The following CSMD1 variants were observed in gnomAD, a reference collection of about 807,000 sequenced individuals.
CSMD1 encodes CUB and sushi domain-containing protein 1.
In CSMD1, 213 loss-of-function variants were observed where a neutral mutation model predicts 417.5. The observed-to-expected ratio is 0.51, with a 90% CI of 0.46 to 0.57. The LOEUF (loss-of-function observed/expected upper bound fraction) is 0.57, where lower values mean the gene tolerates loss of function less well. CSMD1 is among the 20% of genes least tolerant of loss of function. The probability of loss-of-function intolerance (pLI) is 0.00; values close to 1 mark genes in which losing one functional copy is unlikely to be tolerated. For missense variants in CSMD1, 6,923 were observed against 4,529.7 expected (o/e 1.53, Z -15.17); for synonymous variants, 2,862 against 1,736.8 (o/e 1.65, Z -16.11).
At chr8:3,360,366 G>A (rs540602792) in intron 20 of CSMD1, among the ~76,000 whole-genome samples, 10 of 152,304 alleles carry the variant, frequency 6.6e-5, no homozygotes, top group East Asian at 1.9e-4. Context: ...TCTGATCTCC[G>A]TAGTATGTAC....
chr8:4,655,072 G>C (rs1273173441), intron 1 of CSMD1, among the ~76,000 whole-genome samples: 3 of 147,854 alleles, frequency 2.0e-5, no homozygotes, highest in Non-Finnish European at 4.5e-5. Context: ...TAAATCATTT[G>C]TCCATCAAAG....
intron 7 of CSMD1, among the ~76,000 whole-genome samples, chr8:3,681,078 T>A (rs1799636743): frequency 6.6e-6 from 1 of 152,150 alleles, no homozygotes. Flanking sequence ...CCACAGCCAA[T>A]ATCATACTGA....
chr8:4,241,954 T>C (rs1024334368), intron 3 of CSMD1, among the ~76,000 whole-genome samples: 2 of 152,200 alleles, frequency 1.3e-5, no homozygotes, highest in Non-Finnish European at 2.9e-5. Context: ...AGATTCAGTA[T>C]AAGTTTTCAA....
intron 40 of CSMD1, among the ~76,000 whole-genome samples, chr8:3,150,692 G>A (rs1011783388): frequency 6.6e-6 from 1 of 152,178 alleles, no homozygotes; most frequent in African/African-American, 2.4e-5. Context: ...TAAAGTGAGT[G>A]CTGTAGAGAA....
At chr8:4,721,795 G>C (rs1225509280) in intron 1 of CSMD1, among the ~76,000 whole-genome samples, 1 of 152,142 alleles carries the variant, frequency 6.6e-6, no homozygotes, top group African/African-American at 2.4e-5. Context: ...GCCAAGGTAT[G>C]TAAAGAACCT....
At chr8:3,653,972 T>C (rs894353637) in intron 7 of CSMD1, among the ~76,000 whole-genome samples, 12 of 152,222 alleles carry the variant, frequency 7.9e-5, no homozygotes, top group East Asian at 1.9e-4. Context: ...TGTTGTCACA[T>C]AGAAAATGTG....
At position 4,051,969 on chromosome 8, in the gene CSMD1, A is replaced by C. The variant is rs552601278; in HGVS notation, c.416-19870T>G. Among the ~76,000 whole-genome samples the C allele has an allele frequency of 3.2e-3, 473 of 147,614 alleles. 2 individuals carry two copies. The highest frequency in any genetic ancestry group is 0.011 in the African/African-American group (455 of 39,752). ...TGACAGAGTTTCACTCTTGTTGCCC[A>C]GGCTGGAGTGCAACAGTGTTATCTC... On this transcript the variant is annotated intron_variant, in intron 3 of 69. Transcript: ENST00000635120.
intron 5 of CSMD1, among the ~76,000 whole-genome samples, chr8:3,985,907 C>T (rs928596446): frequency 6.8e-6 from 1 of 147,992 alleles, no homozygotes; most frequent in African/African-American, 2.5e-5. Flanking sequence ...TTACTTTGAA[C>T]ATTTCAAACC....
In CSMD1 at chr8:4,868,035, T is replaced by C. The variant is rs190092689; in HGVS notation, c.85+126297A>G. ...AAATGCGGAAATGGCTCTTGAAAAATCACTGCTTTCCCTGGATCTCTACTT... is the reference window on the plus strand; with the variant it reads ...AAATGCGGAAATGGCTCTTGAAAAACCACTGCTTTCCCTGGATCTCTACTT... On this transcript the variant is annotated intron_variant, in intron 1 of 69. Transcript: ENST00000635120. Among the ~76,000 whole-genome samples, 245 of 152,106 alleles carry C rather than the reference T, an allele frequency of 1.6e-3. 2 individuals are homozygous for C. Among genetic ancestry groups the C allele is most frequent in the African/African-American group, 5.8e-3 (239 of 41,434 alleles).
intron 1 of CSMD1, among the ~76,000 whole-genome samples, chr8:4,746,745 T>C (rs766876400): frequency 2.6e-5 from 4 of 152,038 alleles, no homozygotes; most frequent in Non-Finnish European, 5.9e-5. Context: ...GAGTCACCGG[T>C]AGAACCTTCA....
In CSMD1 at chr8:4,628,924, A is replaced by C. The variant is rs1382256; in HGVS notation, c.302+8418T>G. Among the ~76,000 whole-genome samples the C allele has an allele frequency of 3.9e-5, 6 of 152,042 alleles. No homozygotes were observed. In the South Asian group the frequency reaches 1.0e-3, roughly 26 times the overall value. Reference sequence around the variant, plus strand: ...AAAGAGAATAAAACCTTGGAAGAAAATGGACACTCTGATACTGTGTTTATT... The same window carrying C: ...AAAGAGAATAAAACCTTGGAAGAAACTGGACACTCTGATACTGTGTTTATT... On this transcript the variant is annotated intron_variant, in intron 2 of 69. Transcript: ENST00000635120.
chr8:4,757,619 G>T lies in CSMD1; in HGVS notation c.86-120061C>A, dbSNP rs1297615507. 5.3e-5 allele frequency among the ~76,000 whole-genome samples: 8 copies of T among 152,256 alleles called. No individual in the cohort carries two copies. The East Asian group carries it at 7.7e-4, about 15-fold the overall frequency. The stretch of plus-strand genomic sequence containing the variant: ...ACATATCTCTACCAAGTTGGATTAT[G>T]TGCTCTCTTCAGCTTTTATGAATAA... On this transcript the variant is annotated intron_variant, in intron 1 of 69. Transcript: ENST00000635120.
At chr8:4,662,741 T>C (rs1340220833) in intron 1 of CSMD1, among the ~76,000 whole-genome samples, 1 of 152,202 alleles carries the variant, frequency 6.6e-6, no homozygotes, top group Non-Finnish European at 1.5e-5. Context: ...ATACACCTCC[T>C]GCTCCACCGT....
chr8:4,211,061 G>C (rs532915351), intron 3 of CSMD1, among the ~76,000 whole-genome samples: 1 of 152,112 alleles, frequency 6.6e-6, no homozygotes, highest in African/African-American at 2.4e-5. Flanking sequence ...CCTTCCTTAA[G>C]AAATTCATGT....
chr8:3,150,204 C>T (rs921150088), intron 40 of CSMD1, among the ~76,000 whole-genome samples: 6 of 152,260 alleles, frequency 3.9e-5, no homozygotes, highest in Non-Finnish European at 8.8e-5. Context: ...CCAAGAAACC[C>T]GGGAGAAACA....
chr8:4,434,293 G>C (rs1248924305), intron 2 of CSMD1, among the ~76,000 whole-genome samples: 4 of 152,164 alleles, frequency 2.6e-5, no homozygotes, highest in Admixed American at 6.5e-5. Context: ...TTGAACCTTG[G>C]AGATGGAGGT....
At chr8:4,685,765 GA>G (rs1470877366) in intron 1 of CSMD1, among the ~76,000 whole-genome samples, 2 of 152,094 alleles carry the variant, frequency 1.3e-5, no homozygotes, top group South Asian at 4.1e-4. Context: ...CTGTTGGTGA[GA>G]AAAAAATATT....
intron 37 of CSMD1, among the ~76,000 whole-genome samples, chr8:3,171,681 T>TATCCTGAA (rs1424665006): frequency 4.6e-5 from 7 of 152,308 alleles, no homozygotes; most frequent in African/African-American, 1.7e-4. Context: ...TGAGTAAGAA[T>TATCCTGAA]ATCCTGAAAC....
At chr8:4,968,831 A>G (rs1241087110) in intron 1 of CSMD1, among the ~76,000 whole-genome samples, 1 of 152,168 alleles carries the variant, frequency 6.6e-6, no homozygotes, top group Non-Finnish European at 1.5e-5. Flanking sequence ...TTTCCCAACC[A>G]GAAGATTAGG....
Sources: gnomAD v4.1 joint callset for allele counts (sites outside exome capture counted in the v4.1 genomes callset) on GRCh38, gnomAD v4.1.1 for gene constraint, MANE v1.5 for transcripts, NCBI Gene and HGNC (gene_info 2026-07-23, HGNC 2026-07-21) for gene names.